Variants in NAALADL2 observed in about 807,000 individuals in gnomAD.
NAALADL2 encodes inactive N-acetylated-alpha-linked acidic dipeptidase-like protein 2.
NAALADL2 carries 76 observed loss-of-function variants against 87.2 expected under a neutral mutation model. The ratio of observed to expected loss-of-function variants is 0.87; its 90% CI spans 0.72 to 1.05. NAALADL2 has a LOEUF of 1.05. Ranked by LOEUF, NAALADL2 falls within the 50% of genes least tolerant of loss-of-function variation. The probability of loss-of-function intolerance (pLI) is 0.00; values close to 1 mark genes in which losing one functional copy is unlikely to be tolerated. For missense variants in NAALADL2, 1,089 were observed against 945.8 expected (o/e 1.15, Z -1.99); for synonymous variants, 354 against 331.0 (o/e 1.07, Z -0.75).
intron 4 of NAALADL2, among the ~76,000 whole-genome samples, chr3:175,320,329 G>A (rs955520685): frequency 6.6e-6 from 1 of 152,158 alleles, no homozygotes; most frequent in African/African-American, 2.4e-5. Context: ...GCTTACCAAG[G>A]AACAGAGAGG....
At chr3:174,855,834 T>C (rs966124729), upstream of NAALADL2, among the ~76,000 whole-genome samples, 6 of 149,660 alleles carry the variant, frequency 4.0e-5, no homozygotes, top group Non-Finnish European at 5.9e-5. Context: ...ATATGTCTCA[T>C]ATATATGAAA....
intron 13 of NAALADL2, among the ~76,000 whole-genome samples, chr3:175,764,698 A>T (rs753352302): frequency 2.0e-5 from 3 of 152,150 alleles, no homozygotes; most frequent in African/African-American, 7.2e-5. Flanking sequence ...TGTTAGAACC[A>T]GTTTATATTT....
chr3:174,694,436 A>T (rs765570682), intron 2 of NAALADL2, among the ~76,000 whole-genome samples: 6 of 152,074 alleles, frequency 3.9e-5, no homozygotes, highest in Non-Finnish European at 5.9e-5. Flanking sequence ...ATTTCTAGTA[A>T]ACTCTTTGAG....
intron 2 of NAALADL2, among the ~76,000 whole-genome samples, chr3:174,577,744 A>G (rs542837503): frequency 6.6e-6 from 1 of 152,180 alleles, no homozygotes; most frequent in Admixed American, 6.5e-5. Context: ...AAAATTTTCT[A>G]GACATGTGAG....
chr3:175,068,979 T>C (rs562302771), intron 1 of NAALADL2, among the ~76,000 whole-genome samples: 64 of 151,826 alleles, frequency 4.2e-4, no homozygotes, highest in Non-Finnish European at 2.7e-4. Flanking sequence ...GAGGAGAGAG[T>C]TCCAAAAACT....
At chr3:175,089,681 C>T (rs1033257061) in intron 1 of NAALADL2, among the ~76,000 whole-genome samples, 2 of 152,072 alleles carry the variant, frequency 1.3e-5, no homozygotes, top group African/African-American at 2.4e-5. Context: ...ATAAAAAAGA[C>T]ATTAATAGAT....
intron 2 of NAALADL2, among the ~76,000 whole-genome samples, chr3:174,683,833 A>AT (rs1225434049): frequency 6.6e-6 from 1 of 152,050 alleles, no homozygotes; most frequent in East Asian, 1.9e-4. Context: ...TGTGCATGCA[A>AT]TTTAAAGTGA....
chr3:174,679,883 T>C (rs1727366963), intron 2 of NAALADL2, among the ~76,000 whole-genome samples: 1 of 152,218 alleles, frequency 6.6e-6, no homozygotes, highest in Non-Finnish European at 1.5e-5. Flanking sequence ...CTCTTTGTTG[T>C]CAAAAATGTT....
chr3:175,591,821 T>TATATATATATAC, intron 10 of NAALADL2, among the ~76,000 whole-genome samples: 1 of 138,890 alleles, frequency 7.2e-6, no homozygotes, highest in Non-Finnish European at 1.5e-5. Context: ...TATATATATA[T>TATATATATATAC]ATATATGTAT....
At chr3:175,294,202 GA>G (rs1336454049) in intron 4 of NAALADL2, among the ~76,000 whole-genome samples, 11 of 152,268 alleles carry the variant, frequency 7.2e-5, no homozygotes, top group Admixed American at 2.0e-4. Flanking sequence ...TAGACAAAAA[GA>G]AAAACATAGT....
chr3:175,012,908 T>C (rs1404942035), intron 1 of NAALADL2, among the ~76,000 whole-genome samples: 1 of 149,686 alleles, frequency 6.7e-6, no homozygotes, highest in Admixed American at 6.8e-5. Flanking sequence ...ACTTTGTAAA[T>C]GTAGAAACAG....
intron 6 of NAALADL2, among the ~76,000 whole-genome samples, chr3:175,460,767 G>T (rs1722993525): frequency 6.6e-6 from 1 of 152,172 alleles, no homozygotes; most frequent in Non-Finnish European, 1.5e-5. Context: ...TAAAATTAGA[G>T]TGGGACTATA....
intron 2 of NAALADL2, among the ~76,000 whole-genome samples, chr3:175,131,547 T>C (rs1452374440): frequency 6.6e-6 from 1 of 152,182 alleles, no homozygotes; most frequent in East Asian, 1.9e-4. Flanking sequence ...TACCTCTTTC[T>C]ACACAGACAT....
chr3:175,608,748 T>C (rs1232154099), intron 10 of NAALADL2, among the ~76,000 whole-genome samples: 1 of 152,192 alleles, frequency 6.6e-6, no homozygotes, highest in African/African-American at 2.4e-5. Flanking sequence ...TCCTTCATTT[T>C]TCCATCACAA....
intron 1 of NAALADL2, among the ~76,000 whole-genome samples, chr3:175,038,104 T>C (rs1289793178): frequency 6.6e-6 from 1 of 152,124 alleles, no homozygotes; most frequent in African/African-American, 2.4e-5. Context: ...CTAGATGTTT[T>C]TTTCTTAGAG....
At chr3:175,099,426 T>G (rs1721740858) in intron 2 of NAALADL2, among the ~76,000 whole-genome samples, 1 of 152,208 alleles carries the variant, frequency 6.6e-6, no homozygotes, top group African/African-American at 2.4e-5. Context: ...ATTTGTTTTC[T>G]TTATTGAGAT....
chr3:175,703,614 G>A (rs971581867), intron 11 of NAALADL2, among the ~76,000 whole-genome samples: 2 of 151,980 alleles, frequency 1.3e-5, no homozygotes, highest in Non-Finnish European at 2.9e-5. Context: ...GCGGTGGCAG[G>A]CACCTGTAAT....
At chr3:174,542,528 T>C (rs1315374870) in intron 1 of NAALADL2, among the ~76,000 whole-genome samples, 1 of 152,018 alleles carries the variant, frequency 6.6e-6, no homozygotes, top group Non-Finnish European at 1.5e-5. Flanking sequence ...ACACAAACTA[T>C]AGTGAGAGGT....
intron 2 of NAALADL2, among the ~76,000 whole-genome samples, chr3:175,131,586 C>T (rs962693278): frequency 9.2e-5 from 14 of 152,178 alleles, no homozygotes; most frequent in African/African-American, 3.4e-4. Context: ...CAATCTTTTC[C>T]CCGCCTTTCC....
Sources: allele counts gnomAD v4.1 joint callset (sites outside exome capture counted in the v4.1 genomes callset), GRCh38; gene constraint gnomAD v4.1.1; transcripts MANE v1.5; gene names NCBI Gene and HGNC (gene_info 2026-07-23, HGNC 2026-07-21).